Variants in GCNA observed in about 807,000 individuals in gnomAD.
GCNA encodes the protein germ cell nuclear acidic peptidase.
Under a neutral mutation model 38.8 loss-of-function variants are expected in GCNA, and 3 were observed. That is an observed-to-expected ratio of 0.08 (90% CI 0.04 to 0.20). GCNA has a LOEUF of 0.20. Ranked by LOEUF, GCNA falls within the 10% of genes least tolerant of loss-of-function variation. GCNA has a pLI of 1.00. For synonymous variants in GCNA, 195 were observed against 240.2 expected (o/e 0.81, Z 1.74); for missense variants, 446 against 578.6 (o/e 0.77, Z 2.35).
chrX:71,612,548 A>T lies in GCNA; in HGVS notation c.1944A>T (p.Gly648=). 2 of 1,208,221 alleles carry T rather than the reference A, an allele frequency of 1.7e-6. No individual in the cohort carries two copies. Among genetic ancestry groups the T allele is most frequent in the Non-Finnish European group, 2.2e-6 (2 of 893,764 alleles). ...INYKVHYECT[G]CKTRIGCYTK... is the part of the protein sequence containing the mutation. ...ACAAGGTCCATTATGAATGTACTGG[A>T]TGCAAAACGAGGTAAGACTCTTCTC... Residue 648 remains glycine, a synonymous_variant, in exon 12 of 13, where the codon GGA becomes GGT. Transcript: ENST00000373696.
At chrX:71,589,930 G>A (rs1487535387) in intron 2 of GCNA, among the ~76,000 whole-genome samples, 1 of 107,780 alleles carries the variant, frequency 9.3e-6, no homozygotes, top group East Asian at 2.9e-4. Flanking sequence ...CTCCAGCCTC[G>A]TTGTTTGATT....
At chrX:71,580,762 C>A in intron 1 of GCNA, 58 bp from the exon 2 acceptor site, 1 of 1,115,273 alleles carries the variant, frequency 9.0e-7, no homozygotes, top group East Asian at 3.2e-5. Context: ...GCGTGAGCCA[C>A]TGCGCCCGGC....
chrX:71,594,782 G>A lies in GCNA; in HGVS notation c.221+3G>A. 2 of 1,151,042 alleles carry A rather than the reference G, an allele frequency of 1.7e-6. No individual in the cohort carries two copies. The highest frequency in any genetic ancestry group is 2.0e-5 in the South Asian group (1 of 49,647). The allele number at this position is 1,151,042 out of a possible 1,213,427, so 94.9% of individuals were successfully genotyped here. ...AGAGCTCCGAAGAGACAGGCGAGGT[G>A]AGTAGGAGAATTAATGAAACTTTAC... On this transcript the variant is annotated splice_donor_region_variant and intron_variant, in intron 6 of 12. Transcript: ENST00000373696.
chrX:71,601,455 A>G lies in GCNA; in HGVS notation c.311-2133A>G, dbSNP rs1047932997. 2.7e-5 allele frequency among the ~76,000 whole-genome samples: 3 copies of G among 111,574 alleles called. No homozygotes were observed. In the Admixed American group the frequency reaches 2.9e-4, roughly 11 times the overall value. ...CATCCATGTTGTTGCAAATGACAGG[A>G]TCTCATTCTTTTTTATGGTTGAGCA... On this transcript the variant is annotated intron_variant, in intron 7 of 12. Coordinates refer to ENST00000373696, the MANE Select transcript of GCNA (RefSeq NM_052957.5).
At chrX:71,586,001 G>T (rs1438455487) in intron 2 of GCNA, among the ~76,000 whole-genome samples, 1 of 109,694 alleles carries the variant, frequency 9.1e-6, no homozygotes, top group Non-Finnish European at 1.9e-5. Flanking sequence ...TAGGGTGGGG[G>T]TTAGAAACAC....
chrX:71,609,863 A>G (rs897127452), intron 10 of GCNA, among the ~76,000 whole-genome samples: 1 of 112,240 alleles, frequency 8.9e-6, no homozygotes, highest in Non-Finnish European at 1.9e-5. Flanking sequence ...CCTATTGGTC[A>G]TTAGATTTTT....
intron 4 of GCNA, among the ~76,000 whole-genome samples, chrX:71,593,150 T>A (rs1272232052): frequency 8.9e-6 from 1 of 112,121 alleles, no homozygotes; most frequent in African/African-American, 3.2e-5. Context: ...TGCCTTGGCC[T>A]CCCAAAGTGC....
At chrX:71,612,828 T>G (rs1267319683) in intron 12 of GCNA, 34 bp from the exon 13 acceptor site, 1 of 1,204,003 alleles carries the variant, frequency 8.3e-7, no homozygotes, top group South Asian at 1.8e-5. Context: ...CAGTGACTGA[T>G]TCTTTTGTTG....
intron 1 of GCNA, chrX:71,580,469 A>ATTTTCT (rs1290684380): frequency 1.8e-5 from 2 of 110,899 alleles, no homozygotes; most frequent in Non-Finnish European, 3.5e-5. Context: ...TTTTTATTTT[A>ATTTTCT]TTTTCTTTTT....
At chrX:71,588,548 C>A (rs1395366689) in intron 2 of GCNA, among the ~76,000 whole-genome samples, 3 of 111,899 alleles carry the variant, frequency 2.7e-5, no homozygotes, top group Non-Finnish European at 5.6e-5. Context: ...GAGATCTGGC[C>A]AGGCGTGGTG....
At chrX:71,579,133 C>T (rs1438377160) in intron 1 of GCNA, among the ~76,000 whole-genome samples, 1 of 97,189 alleles carries the variant, frequency 1.0e-5, no homozygotes, top group African/African-American at 3.9e-5. Flanking sequence ...GAATACGTGG[C>T]GCCGGTGGCG....
intron 2 of GCNA, among the ~76,000 whole-genome samples, chrX:71,591,005 G>C (rs2040623928): frequency 9.0e-6 from 1 of 111,494 alleles, no homozygotes; most frequent in African/African-American, 3.3e-5. Context: ...TTAATATGTA[G>C]AGCCTGGACT....
chrX:71,596,876 C>T (rs1325977097), intron 6 of GCNA, among the ~76,000 whole-genome samples: 7 of 111,918 alleles, frequency 6.3e-5, no homozygotes, highest in Non-Finnish European at 1.1e-4. Flanking sequence ...ATAAACAAAT[C>T]GGTAAGGCCG....
rs772908115 is a variant in GCNA at position 71,604,468 on chromosome X, G to T, written c.1191G>T (p.Leu397=). Residue 397 remains leucine, a synonymous_variant, in exon 8 of 13, where the codon CTG becomes CTT. Coordinates refer to ENST00000373696, the MANE Select transcript of GCNA (RefSeq NM_052957.5). ...ACCCTGAAGTTTCAGAGAGAAAGCT[G>T]CCAACTGAGGAAGAGCCTGCACCTG... The part of the protein sequence containing the change: ...EANPEVSERK[L]PTEEEPAPVV... The T allele has an allele frequency of 8.3e-7, 1 of 1,203,837 alleles. No homozygotes were observed. Among genetic ancestry groups the T allele is most frequent in the African/African-American group, 1.8e-5 (1 of 57,096 alleles).
rs1029057427 is a variant in GCNA, at chrX:71,603,928, C to T, written c.651C>T (p.Asp217=). ...GTGATGATTCGGATGTTCCCGACGA[C>T]AAGAGTGATGATTCGGATGTTCCCG... is the stretch of plus-strand genomic sequence containing the variant. The part of the protein sequence containing the change: ...DNSDDSDVPD[D]KSDDSDVPDD... Residue 217 remains aspartate (D), a synonymous_variant, in exon 8 of 13, where the codon GAC becomes GAT. Coordinates refer to ENST00000373696, the MANE Select transcript of GCNA (RefSeq NM_052957.5). 1.7e-6 allele frequency: 2 copies of T among 1,208,149 alleles called. No individual in the cohort carries two copies. The highest frequency in any genetic ancestry group is 3.5e-5 in the African/African-American group (2 of 56,606).
chrX:71,607,324 T>C lies in GCNA; in HGVS notation c.1466+1595T>C, dbSNP rs901570040. Among the ~76,000 whole-genome samples, 6 of 112,345 alleles carry C rather than the reference T, an allele frequency of 5.3e-5. No individual in the cohort carries two copies. The Admixed American group carries it at 5.7e-4, about 11-fold the overall frequency. ...AACCTTCTGTAACCTCTGTCTTGTCTGGTACTTCCCCCCTCTGCAGCCCAA... is the reference window on the plus strand; with the variant it reads ...AACCTTCTGTAACCTCTGTCTTGTCCGGTACTTCCCCCCTCTGCAGCCCAA... On this transcript the variant is annotated intron_variant, in intron 9 of 12. Coordinates refer to ENST00000373696, the MANE Select transcript of GCNA (RefSeq NM_052957.5).
rs1047988224 is a variant in GCNA at position 71,604,375 on chromosome X, A to G, written c.1098A>G (p.Ser366=). The G allele has an allele frequency of 8.3e-6, 10 of 1,212,049 alleles. No individual in the cohort carries two copies. Among genetic ancestry groups the G allele is most frequent in the Non-Finnish European group, 1.1e-5 (10 of 895,557 alleles). ...EAAAAVSQHD[S]SDDAGEQDLG... is the part of the protein sequence containing the mutation. ...CTGCTGCTGTCTCCCAGCATGATTCATCTGATGATGCTGGTGAGCAGGATC... is the reference window on the plus strand; with the variant it reads ...CTGCTGCTGTCTCCCAGCATGATTCGTCTGATGATGCTGGTGAGCAGGATC... Residue 366 remains serine, a synonymous_variant, in exon 8 of 13, where the codon TCA becomes TCG. Transcript: ENST00000373696.
chrX:71,609,149 C>A lies in GCNA; in HGVS notation c.1611+32C>A, dbSNP rs188433824. The A allele has an allele frequency of 9.4e-4, 1,092 of 1,158,462 alleles. 2 individuals carry two copies. The African/African-American group carries it at 0.016, about 17-fold the overall frequency. On this transcript the variant is annotated intron_variant, in intron 10 of 12. Coordinates refer to ENST00000373696, the MANE Select transcript of GCNA (RefSeq NM_052957.5). ...TCAATGAATGAGCACTGATTGAGCA[C>A]CTGCTATACACCAGTACTCTTGGTG... is the stretch of plus-strand genomic sequence containing the variant.
intron 2 of GCNA, among the ~76,000 whole-genome samples, chrX:71,588,710 C>G (rs2040601644): frequency 9.0e-6 from 1 of 110,533 alleles, no homozygotes; most frequent in Admixed American, 9.7e-5. Context: ...GCCTGTAATC[C>G]CAGCTACTCC....
Sources: allele counts gnomAD v4.1 joint callset (sites outside exome capture counted in the v4.1 genomes callset), GRCh38; gene constraint gnomAD v4.1.1; transcripts MANE v1.5; gene names NCBI Gene and HGNC (gene_info 2026-07-23, HGNC 2026-07-21).